The following PODXL variants were observed in gnomAD, a reference collection of about 807,000 sequenced individuals.
PODXL encodes podocalyxin like, also known as podocalyxin.
PODXL carries 20 observed loss-of-function variants against 48.9 expected under a neutral mutation model. That is an observed-to-expected ratio of 0.41 (90% CI 0.29 to 0.59). PODXL has a LOEUF of 0.59. PODXL is among the 20% of genes least tolerant of loss of function. PODXL has a pLI of 0.31. For synonymous variants in PODXL, 295 were observed against 287.4 expected (o/e 1.03, Z -0.27); for missense variants, 606 against 675.1 (o/e 0.90, Z 1.13).
In PODXL at chr7:131,556,409, G is replaced by A; in HGVS notation, c.-50C>T. The A allele has an allele frequency of 3.8e-6, 5 of 1,333,310 alleles. No homozygotes were observed. Among genetic ancestry groups the A allele is most frequent in the Non-Finnish European group, 4.8e-6 (5 of 1,043,460 alleles). 82.6% of individuals were successfully genotyped at this position (1,333,310 alleles called of 1,614,324 possible). On this transcript the variant is annotated 5_prime_UTR_variant, in exon 1 of 9. Transcript: ENST00000378555. ...GCAGGTGGCTGCGGTGCCGGCGGAG[G>A]ATCCGCGCGTCCGGGCGGTAGGAGC...
intron 1 of PODXL, among the ~76,000 whole-genome samples, chr7:131,525,314 C>T (rs1391980784): frequency 6.6e-6 from 1 of 151,340 alleles, no homozygotes; most frequent in East Asian, 1.9e-4. Context: ...CATGGCCAGG[C>T]GCACTGGTTC....
chr7:131,556,294 C>A lies in PODXL; in HGVS notation c.66G>T (p.Ser22=). The change falls in exon 1 of 9, where the codon TCG becomes TCT. Residue 22 remains serine, a synonymous_variant. Coordinates refer to ENST00000378555, the MANE Select transcript of PODXL (RefSeq NM_001018111.3). The stretch of plus-strand genomic sequence containing the variant: ...AGGGCGACGGCGACGGCGACGGCGA[C>A]GACGGCAGCAGCGGCGGCGTTGACA... ...LLLSTPPLLP[S]SPSPSPSPSQ... 6.7e-7 allele frequency: 1 copy of A among 1,498,626 alleles called. No homozygotes were observed. The highest frequency in any genetic ancestry group is 8.9e-7 in the Non-Finnish European group (1 of 1,127,920). 92.8% of individuals were successfully genotyped at this position (1,498,626 alleles called of 1,614,324 possible).
Position 131,527,900 on chromosome 7 carries a change from CT to C in PODXL, c.101-16468del, listed in dbSNP as rs759943507. The stretch of plus-strand genomic sequence containing the variant: ...TTGGCCTTCACTGGATAGTCAGACA[CT>C]TTTTTTTTTTTTTTTTTTTTGAGAG... On this transcript the variant is annotated intron_variant, in intron 1 of 8. Transcript: ENST00000378555. Among the ~76,000 whole-genome samples, 501 of 116,506 alleles carry C rather than the reference CT, an allele frequency of 4.3e-3. 1 individual carries two copies. The highest frequency in any genetic ancestry group is 9.7e-3 in the Middle Eastern group (2 of 206). 76.4% of individuals were successfully genotyped at this position (116,506 alleles called of 152,430 possible). A position where few individuals can be genotyped will look rare whatever the true frequency, so the allele number is the denominator to read the frequency against.
At position 131,515,726 on chromosome 7, in the gene PODXL, A is replaced by G. The variant is rs146348896; in HGVS notation, c.101-4293T>C. ...CCAACTTAGAGAATTAAATGGTGAC[A>G]TGAGAGGGTGTAGATGAATCAGACT... On this transcript the variant is annotated intron_variant, in intron 1 of 8. Transcript: ENST00000378555. Among the ~76,000 whole-genome samples the G allele has an allele frequency of 5.3e-5, 8 of 152,292 alleles. No homozygotes were observed. The South Asian group carries it at 8.3e-4, about 16-fold the overall frequency.
At chr7:131,522,133 G>T (rs955084456) in intron 1 of PODXL, among the ~76,000 whole-genome samples, 2 of 152,174 alleles carry the variant, frequency 1.3e-5, no homozygotes, top group East Asian at 3.8e-4. Flanking sequence ...TGTTCCACAA[G>T]GCCAGCAAGT....
chr7:131,509,107 C>A, intron 4 of PODXL, 79 bp from the exon 5 acceptor site: 1 of 1,269,412 alleles, frequency 7.9e-7, no homozygotes, highest in South Asian at 1.2e-5. Context: ...AAGGGGTGAC[C>A]CAGATAGGAA....
chr7:131,508,908 C>G, intron 5 of PODXL, 43 bp downstream of exon 5: 1 of 1,347,118 alleles, frequency 7.4e-7, no homozygotes, highest in Non-Finnish European at 1.1e-6. Context: ...CTCAGCCCTG[C>G]TGTGAGCCTG....
At chr7:131,529,500 G>A (rs1798238808) in intron 1 of PODXL, among the ~76,000 whole-genome samples, 2 of 152,054 alleles carry the variant, frequency 1.3e-5, no homozygotes, top group South Asian at 4.1e-4. Flanking sequence ...GAAGAGGGGT[G>A]TGGAAGGAGG....
In PODXL at chr7:131,504,239, C is replaced by T. The variant is rs1797759435; in HGVS notation, c.*72G>A. 1.8e-5 allele frequency: 23 copies of T among 1,298,354 alleles called. No individual in the cohort carries two copies. The highest frequency in any genetic ancestry group is 2.3e-5 in the Non-Finnish European group (21 of 908,640). The allele number at this position is 1,298,354 out of a possible 1,614,324, so 80.4% of individuals were successfully genotyped here. A position where few individuals can be genotyped will look rare whatever the true frequency, so the allele number is the denominator to read the frequency against. On this transcript the variant is annotated 3_prime_UTR_variant, in exon 9 of 9. Transcript: ENST00000378555. Reference sequence around the variant, plus strand: ...CTCTCCCTCCCCAGTCTTTCCCTTCCCCATCCAAACGGCACTTGGGGTGGT... The same window carrying T: ...CTCTCCCTCCCCAGTCTTTCCCTTCTCCATCCAAACGGCACTTGGGGTGGT...
rs1022259308 is a variant in PODXL, at chr7:131,513,020, T to C, written c.101-1587A>G. ...AAAAAAAAAAAAAAAAAAAATCACATCCTACGCAGAAGAAGGAGACATAAG... is the reference window on the plus strand; with the variant it reads ...AAAAAAAAAAAAAAAAAAAATCACACCCTACGCAGAAGAAGGAGACATAAG... On this transcript the variant is annotated intron_variant, in intron 1 of 8. Coordinates refer to ENST00000378555, the MANE Select transcript of PODXL (RefSeq NM_001018111.3). 1.3e-4 allele frequency among the ~76,000 whole-genome samples: 18 copies of C among 139,166 alleles called. 1 individual carries two copies. Among genetic ancestry groups the C allele is most frequent in the African/African-American group, 5.0e-4 (18 of 36,046 alleles). 91.3% of individuals were successfully genotyped at this position (139,166 alleles called of 152,430 possible). A position where few individuals can be genotyped will look rare whatever the true frequency, so the allele number is the denominator to read the frequency against.
chr7:131,509,552 G>C lies in PODXL; in HGVS notation c.836C>G (p.Thr279Ser). The C allele has an allele frequency of 6.3e-7, 1 of 1,585,656 alleles. No homozygotes were observed. Among genetic ancestry groups the C allele is most frequent in the Non-Finnish European group, 8.6e-7 (1 of 1,164,378 alleles). Residue 279 changes from threonine (T) to serine (S), a missense_variant, in exon 4 of 9, where the codon ACC becomes AGC. By Grantham distance (58) the Thr-to-Ser change is moderately conservative. Coordinates refer to ENST00000378555, the MANE Select transcript of PODXL (RefSeq NM_001018111.3). ...AGAGCTGGCTGGCATCTGACTGGAG[G>C]TCTGTTGAGTTCTTTGCGAGATAAC... ...SSVISQRTQQ[T>S]SSQMPASSTA...
At chr7:131,506,077 C>T (rs779143440) in intron 7 of PODXL, 42 bp from the exon 8 acceptor site, 3 of 1,588,636 alleles carry the variant, frequency 1.9e-6, no homozygotes, top group Admixed American at 1.7e-5. Flanking sequence ...GGCATCCTCT[C>T]TCCCTCAGCC....
chr7:131,504,967 G>A (rs1022347509), intron 8 of PODXL, among the ~76,000 whole-genome samples: 1 of 152,210 alleles, frequency 6.6e-6, no homozygotes, highest in African/African-American at 2.4e-5. Context: ...CAGCCATCTG[G>A]CAGAGGCGCT....
At chr7:131,547,856 ACTGAGAG>A (rs552732981) in intron 1 of PODXL, among the ~76,000 whole-genome samples, 3 of 152,134 alleles carry the variant, frequency 2.0e-5, no homozygotes, top group Non-Finnish European at 4.4e-5. Context: ...TGCTGCTGTC[ACTGAGAG>A]CTCATAGCCA....
chr7:131,527,598 G>A (rs948184538), intron 1 of PODXL, among the ~76,000 whole-genome samples: 3 of 152,194 alleles, frequency 2.0e-5, no homozygotes, highest in African/African-American at 7.2e-5. Context: ...CAGTGCAGGT[G>A]GAAGCCTGAC....
chr7:131,537,775 C>T (rs79618024), intron 1 of PODXL, among the ~76,000 whole-genome samples: 6,654 of 152,246 alleles, frequency 0.044, 255 homozygotes, highest in African/African-American at 0.097. Flanking sequence ...TGAGAAGATT[C>T]GGGGTTGTGT....
At chr7:131,526,691 A>C (rs2116825656) in intron 1 of PODXL, among the ~76,000 whole-genome samples, 1 of 148,952 alleles carries the variant, frequency 6.7e-6, no homozygotes, top group Middle Eastern at 3.4e-3. Context: ...GCATTATCAA[A>C]GAAAGTTAGA....
chr7:131,542,804 C>T (rs532885692), intron 1 of PODXL, among the ~76,000 whole-genome samples: 191 of 152,306 alleles, frequency 1.3e-3, no homozygotes, highest in African/African-American at 4.3e-3. Context: ...GAGCCTCCCT[C>T]CCTCTAGAGC....
rs564854616 is a variant in PODXL at position 131,534,154 on chromosome 7, G to A, written c.100+22106C>T. ...ACACCTGCACAGGCCTTGCCAAGGT[G>A]AGAGTGGGTGCAGGTCTGCCCAGAC... On this transcript the variant is annotated intron_variant, in intron 1 of 8. Coordinates refer to ENST00000378555, the MANE Select transcript of PODXL (RefSeq NM_001018111.3). Among the ~76,000 whole-genome samples, 6 of 152,238 alleles carry A rather than the reference G, an allele frequency of 3.9e-5. No individual in the cohort carries two copies. In the East Asian group the frequency reaches 9.7e-4, roughly 25 times the overall value.
Sources: allele counts gnomAD v4.1 joint callset (sites outside exome capture counted in the v4.1 genomes callset), GRCh38; gene constraint gnomAD v4.1.1; transcripts MANE v1.5; gene names NCBI Gene and HGNC (gene_info 2026-07-23, HGNC 2026-07-21).